AFF3: variants seen among roughly 807,000 people sequenced by gnomAD.
AFF3 encodes ALF transcription elongation factor 3.
Under a neutral mutation model 129.7 loss-of-function variants are expected in AFF3, and 32 were observed. The observed-to-expected ratio is 0.25, with a 90% confidence interval of 0.19 to 0.33. AFF3 has a LOEUF of 0.33. AFF3 is among the 10% of genes least tolerant of loss of function. The pLI is 1.00. For synonymous variants in AFF3, 644 were observed against 635.4 expected (o/e 1.01, Z -0.20); for missense variants, 1,373 against 1,592.0 (o/e 0.86, Z 2.34).
chr2:99,853,759 G>A, intron 7 of AFF3, among the ~76,000 whole-genome samples: 1 of 152,178 alleles, frequency 6.6e-6, no homozygotes, highest in African/African-American at 2.4e-5. Context: ...CAACAATTCA[G>A]TGTTCAGATG....
intron 4 of AFF3, among the ~76,000 whole-genome samples, chr2:100,040,187 T>C (rs532314288): frequency 6.6e-6 from 1 of 152,264 alleles, no homozygotes; most frequent in South Asian, 2.1e-4. Context: ...CTCCCAGTGT[T>C]ATTAAGTAAT....
intron 13 of AFF3, among the ~76,000 whole-genome samples, chr2:99,621,074 A>T (rs1474719376): frequency 6.6e-6 from 1 of 152,184 alleles, no homozygotes; most frequent in African/African-American, 2.4e-5. Flanking sequence ...ACCGTTTTTT[A>T]AATTACTATC....
At chr2:99,609,509 C>G (rs754462687) in intron 13 of AFF3, among the ~76,000 whole-genome samples, 36 of 152,192 alleles carry the variant, frequency 2.4e-4, no homozygotes, top group African/African-American at 8.7e-4. Context: ...AGTCACTTCA[C>G]TTAGAATAAT....
At chr2:99,742,579 ATAATT>A (rs767708756) in intron 10 of AFF3, among the ~76,000 whole-genome samples, 2 of 152,236 alleles carry the variant, frequency 1.3e-5, no homozygotes, top group African/African-American at 4.8e-5. Flanking sequence ...TCCTTGGACA[ATAATT>A]CAATCTCACG....
intron 7 of AFF3, among the ~76,000 whole-genome samples, chr2:99,919,934 G>A (rs1412968395): frequency 6.6e-6 from 1 of 151,964 alleles, no homozygotes; most frequent in African/African-American, 2.4e-5. Flanking sequence ...GGAATGTTGT[G>A]AACAGCATTA....
intron 13 of AFF3, among the ~76,000 whole-genome samples, chr2:99,602,852 G>A (rs1679970330): frequency 1.3e-5 from 2 of 152,172 alleles, no homozygotes; most frequent in Non-Finnish European, 2.9e-5. Context: ...TAAATCCTGG[G>A]TATGGGGGTG....
intron 7 of AFF3, among the ~76,000 whole-genome samples, chr2:99,841,808 A>G (rs1020819710): frequency 6.6e-6 from 1 of 152,172 alleles, no homozygotes; most frequent in Non-Finnish European, 1.5e-5. Flanking sequence ...ACATTTCAAC[A>G]CCAGCTCATT....
intron 7 of AFF3, among the ~76,000 whole-genome samples, chr2:99,956,470 ACT>A (rs1676662594): frequency 6.6e-6 from 1 of 152,190 alleles, no homozygotes; most frequent in African/African-American, 2.4e-5. Context: ...CCGAAGCATA[ACT>A]TAAGCATAAG....
In AFF3 at chr2:99,974,556, C is replaced by A. The variant is rs552112013; in HGVS notation, c.873+32076G>T. ...CAGTGATGCACAGATAACCCTCTCTCCTTTACTACCAGGGTGCTGCGGCAT... is the reference window on the plus strand; with the variant it reads ...CAGTGATGCACAGATAACCCTCTCTACTTTACTACCAGGGTGCTGCGGCAT... On this transcript the variant is annotated intron_variant, in intron 7 of 24. Transcript: ENST00000672756. Among the ~76,000 whole-genome samples the A allele has an allele frequency of 3.6e-3, 547 of 152,332 alleles. 2 individuals are homozygous for A. The highest frequency in any genetic ancestry group is 0.013 in the African/African-American group (521 of 41,576).
Position 99,679,157 on chromosome 2 carries a change from T to C in AFF3, c.1092-6568A>G, listed in dbSNP as rs911140394. 2.0e-5 allele frequency among the ~76,000 whole-genome samples: 3 copies of C among 152,274 alleles called. No individual in the cohort carries two copies. The South Asian group carries it at 6.2e-4, about 32-fold the overall frequency. Reference sequence around the variant, plus strand: ...CTAAGTGTTTCCAACTCTGATGTTTTAAAACCCAGGGATCTCTACATCTTT... The same window carrying C: ...CTAAGTGTTTCCAACTCTGATGTTTCAAAACCCAGGGATCTCTACATCTTT... On this transcript the variant is annotated intron_variant, in intron 11 of 24. Transcript: ENST00000672756.
chr2:99,785,552 TA>T (rs975719978), intron 8 of AFF3, among the ~76,000 whole-genome samples: 1 of 152,188 alleles, frequency 6.6e-6, no homozygotes, highest in Non-Finnish European at 1.5e-5. Flanking sequence ...ACATGAACAA[TA>T]AAAGGGGGAC....
chr2:100,066,850 C>T (rs1687763018), intron 4 of AFF3, among the ~76,000 whole-genome samples: 1 of 152,158 alleles, frequency 6.6e-6, no homozygotes, highest in Non-Finnish European at 1.5e-5. Context: ...AAAGCATTTG[C>T]TAGTAATCTG....
intron 7 of AFF3, among the ~76,000 whole-genome samples, chr2:99,857,909 A>G (rs1435630075): frequency 6.6e-6 from 1 of 152,184 alleles, no homozygotes; most frequent in Non-Finnish European, 1.5e-5. Context: ...GGTTTACCAC[A>G]TTATACTGGA....
intron 13 of AFF3, among the ~76,000 whole-genome samples, chr2:99,631,527 T>C (rs1371923080): frequency 6.6e-6 from 1 of 152,164 alleles, no homozygotes; most frequent in Non-Finnish European, 1.5e-5. Flanking sequence ...CCCCAAGCCC[T>C]GGCAACAACC....
At chr2:99,761,986 A>G (rs1682641866) in intron 8 of AFF3, among the ~76,000 whole-genome samples, 1 of 151,558 alleles carries the variant, frequency 6.6e-6, no homozygotes, top group African/African-American at 2.4e-5. Context: ...TCCTGCCCCC[A>G]TCTTGTTTCT....
intron 7 of AFF3, among the ~76,000 whole-genome samples, chr2:99,950,510 C>A (rs1559003264): frequency 6.6e-6 from 1 of 152,156 alleles, no homozygotes; most frequent in Non-Finnish European, 1.5e-5. Flanking sequence ...TTGTTTCCTG[C>A]ATGAATGATC....
chr2:99,737,026 T>A (rs2105080687), intron 10 of AFF3, among the ~76,000 whole-genome samples: 1 of 152,350 alleles, frequency 6.6e-6, no homozygotes, highest in Non-Finnish European at 1.5e-5. Flanking sequence ...TTAGCTTGGT[T>A]TGTAAGATGT....
At chr2:100,104,814 G>T in intron 3 of AFF3, 1 of 675,556 alleles carries the variant, frequency 1.5e-6, no homozygotes, top group Non-Finnish European at 1.8e-6. Context: ...CGCCGCCGCC[G>T]CCGCCGCCGC....
chr2:99,848,339 A>C (rs111720233), intron 7 of AFF3, among the ~76,000 whole-genome samples: 84 of 152,348 alleles, frequency 5.5e-4, no homozygotes, highest in African/African-American at 2.0e-3. Flanking sequence ...TTATTCTGGC[A>C]TGATTCTATC....
Sources: allele counts gnomAD v4.1 joint callset (sites outside exome capture counted in the v4.1 genomes callset), GRCh38; gene constraint gnomAD v4.1.1; transcripts MANE v1.5; gene names NCBI Gene and HGNC (gene_info 2026-07-23, HGNC 2026-07-21).